The following SLC9A7 variants were observed in gnomAD, a reference collection of about 807,000 sequenced individuals.
SLC9A7 encodes the protein solute carrier family 9 member A7.
Under a neutral mutation model 52.6 loss-of-function variants are expected in SLC9A7, and 19 were observed. That is an observed-to-expected ratio of 0.36 (90% confidence interval 0.25 to 0.53). The LOEUF (loss-of-function observed/expected upper bound fraction) is 0.53, where lower values mean the gene tolerates loss of function less well. Ranked by LOEUF, SLC9A7 falls within the 20% of genes least tolerant of loss-of-function variation. The pLI is 0.91. For missense variants in SLC9A7, 455 were observed against 597.9 expected (o/e 0.76, Z 2.49); for synonymous variants, 226 against 252.1 (o/e 0.90, Z 0.98).
intron 1 of SLC9A7, among the ~76,000 whole-genome samples, chrX:46,730,710 A>ATATATATATATAT (rs1569524468): frequency 1.9e-3 from 146 of 76,294 alleles, no homozygotes; most frequent in Non-Finnish European, 3.0e-3. Context: ...ATATATATAT[A>ATATATATATATAT]AAATGGATGA....
chrX:46,741,162 T>C (rs1921324883), intron 1 of SLC9A7, among the ~76,000 whole-genome samples: 1 of 111,935 alleles, frequency 8.9e-6, no homozygotes, highest in Admixed American at 9.5e-5. Context: ...AGAAATATAA[T>C]GATCATGGAT....
In SLC9A7 at chrX:46,653,635, A is replaced by G. The variant is rs1943620023; in HGVS notation, c.1121T>C (p.Leu374Pro). The G allele has an allele frequency of 8.3e-7, 1 of 1,210,542 alleles. No individual in the cohort carries two copies. The highest frequency in any genetic ancestry group is 1.1e-6 in the Non-Finnish European group (1 of 894,606). ...TGTAAATCCGCAGGCTTCTGCCAAG[A>G]GAAACGTGCTCCAGGACATGAGGAA... Reference protein sequence around the residue: ...LFFLMSWSTFLLAEACGFTGV... With the variant: ...LFFLMSWSTFPLAEACGFTGV... The change falls in exon 8 of 17, where the codon CTC (leucine) becomes CCC (proline). Residue 374 changes from leucine to proline, a missense_variant. Physicochemically the swap from Leu to Pro is moderately conservative, Grantham distance 98 (BLOSUM62 -3). Transcript: ENST00000616978.
rs889426277 is a variant in SLC9A7, at chrX:46,682,547, G to A, written c.326-12C>T. 8 of 1,195,083 alleles carry A rather than the reference G, an allele frequency of 6.7e-6. No individual in the cohort carries two copies. Among genetic ancestry groups the A allele is most frequent in the Non-Finnish European group, 9.1e-6 (8 of 882,872 alleles). ...CCCAACGATGAGCCCTGAAAGAGTG[G>A]AAAAAAACTCATCAGGCCTGAGGAA... On this transcript the variant is annotated splice_polypyrimidine_tract_variant and intron_variant, in intron 1 of 16. Transcript: ENST00000616978.
rs895984729 is a variant in SLC9A7 at position 46,737,167 on chromosome X, T to C, written c.325+21538A>G. On this transcript the variant is annotated intron_variant, in intron 1 of 16. Transcript: ENST00000616978. ...TTCCTTAGGGAGATGGAGAGATATC[T>C]AGGCAGATTTTGGCAGTGGCTTTTG... Among the ~76,000 whole-genome samples, 5 of 112,026 alleles carry C rather than the reference T, an allele frequency of 4.5e-5. No homozygotes were observed. The East Asian group carries it at 1.1e-3, about 25-fold the overall frequency.
At chrX:46,710,055 A>C (rs1944664365) in intron 1 of SLC9A7, among the ~76,000 whole-genome samples, 1 of 112,414 alleles carries the variant, frequency 8.9e-6, no homozygotes, top group Non-Finnish European at 1.9e-5. Flanking sequence ...CTAACTTTTG[A>C]ATTTTGTACT....
intron 2 of SLC9A7, among the ~76,000 whole-genome samples, chrX:46,679,967 T>A (rs1479719181): frequency 8.9e-6 from 1 of 112,228 alleles, no homozygotes; most frequent in African/African-American, 3.2e-5. Context: ...GCTCTTATGA[T>A]CTTGCTTGTG....
chrX:46,743,665 T>G (rs1921531003), intron 1 of SLC9A7, among the ~76,000 whole-genome samples: 1 of 111,989 alleles, frequency 8.9e-6, no homozygotes, highest in Admixed American at 9.5e-5. Context: ...ATGGCTTTAA[T>G]ACAACTGTCT....
At position 46,662,163 on chromosome X, in the gene SLC9A7, G is replaced by A; in HGVS notation, c.900-6C>T. On this transcript the variant is annotated splice_region_variant and splice_polypyrimidine_tract_variant and intron_variant, in intron 6 of 16. Coordinates refer to ENST00000616978, the MANE Select transcript of SLC9A7 (RefSeq NM_001257291.2). ...GCTGGTAGGCAACAATAGACCTAAA[G>A]TTTAAAAACAAGAGACAGTTTTAAA... 3.3e-6 allele frequency: 4 copies of A among 1,197,834 alleles called. No homozygotes were observed. The Middle Eastern group carries it at 9.3e-4, about 280-fold the overall frequency.
chrX:46,749,578 C>T (rs1922083928), intron 1 of SLC9A7, among the ~76,000 whole-genome samples: 1 of 111,718 alleles, frequency 9.0e-6, no homozygotes, highest in Admixed American at 9.5e-5. Flanking sequence ...CATTTTTTCC[C>T]CTAAAACACT....
Position 46,758,942 on chromosome X carries a change from C to CCAGCAGCAGCGGCAGCAG in SLC9A7, c.70_87dup (p.Leu24_Leu29dup). 1 of 1,098,068 alleles carries CCAGCAGCAGCGGCAGCAG rather than the reference C, an allele frequency of 9.1e-7. No individual in the cohort carries two copies. 90.5% of individuals were successfully genotyped at this position (1,098,068 alleles called of 1,213,427 possible). On this transcript the variant is annotated inframe_insertion, in exon 1 of 17. Coordinates refer to ENST00000616978, the MANE Select transcript of SLC9A7 (RefSeq NM_001257291.2). ...GCGGCCGCGACTCGCAGCCCCCAACCCAGCAGCAGCGGCAGCAGCAGCAGC... is the reference window on the plus strand; with the variant it reads ...GCGGCCGCGACTCGCAGCCCCCAACCCAGCAGCAGCGGCAGCAGCAGCAGCAGCGGCAGCAGCAGCAGC...
intron 1 of SLC9A7, among the ~76,000 whole-genome samples, chrX:46,702,516 C>A (rs978061955): frequency 9.0e-6 from 1 of 111,585 alleles, no homozygotes. Context: ...CTCCCTGTTA[C>A]AGGTGAGAAC....
At chrX:46,616,073 C>T (rs751772975) in intron 15 of SLC9A7, among the ~76,000 whole-genome samples, 10 of 108,622 alleles carry the variant, frequency 9.2e-5, no homozygotes, top group Non-Finnish European at 1.9e-4. Flanking sequence ...GTAATCCCAG[C>T]ACTTTGCGAG....
At chrX:46,711,899 T>TTCACAC (rs778950018) in intron 1 of SLC9A7, among the ~76,000 whole-genome samples, 10 of 91,158 alleles carry the variant, frequency 1.1e-4, no homozygotes, top group South Asian at 1.3e-3. Flanking sequence ...GCCTCTAAAT[T>TTCACAC]ACACACACAC....
Position 46,607,053 on chromosome X carries a change from T to C in SLC9A7, c.2080A>G (p.Ser694Gly). The change falls in exon 17 of 17, where the codon AGC (serine) becomes GGC (glycine). Residue 694 changes from serine to glycine, a missense_variant. Physicochemically the swap from Ser to Gly is moderately conservative, Grantham distance 56. Around this residue, in one of 3 missense-constraint regions of SLC9A7, gnomAD observed 146 missense variants for 160.5 expected, o/e 0.91. Transcript: ENST00000616978. Reference protein sequence around the residue: ...TSLEGSRRTKSSSEEVLERDL... With the variant: ...TSLEGSRRTKGSSEEVLERDL... ...CGCTCCAGCACTTCCTCCGAGCTGC[T>C]CTTCGTTCTCCGGCTGCCCTCCAGA... 1 of 1,209,667 alleles carries C rather than the reference T, an allele frequency of 8.3e-7. No homozygotes were observed. The highest frequency in any genetic ancestry group is 1.8e-5 in the South Asian group (1 of 56,762).
chrX:46,647,766 A>C (rs760837657), intron 11 of SLC9A7, among the ~76,000 whole-genome samples: 8 of 112,640 alleles, frequency 7.1e-5, no homozygotes, highest in Non-Finnish European at 1.3e-4. Flanking sequence ...TTCAGAGGCA[A>C]GCTAGCATGA....
intron 7 of SLC9A7, among the ~76,000 whole-genome samples, chrX:46,658,027 A>G (rs1943735531): frequency 9.2e-6 from 1 of 108,159 alleles, no homozygotes; most frequent in Admixed American, 1.0e-4. Context: ...ACTATCTCTC[A>G]GACCACAGTG....
intron 7 of SLC9A7, among the ~76,000 whole-genome samples, chrX:46,655,696 T>C (rs972680563): frequency 8.9e-6 from 1 of 112,291 alleles, no homozygotes; most frequent in Admixed American, 9.3e-5. Context: ...GGAGATTATA[T>C]CCCGCACATG....
intron 5 of SLC9A7, among the ~76,000 whole-genome samples, chrX:46,667,022 ATTTG>A (rs1943932849): frequency 8.9e-6 from 1 of 112,068 alleles, no homozygotes; most frequent in African/African-American, 3.2e-5. Flanking sequence ...ATGATCTGTT[ATTTG>A]TTTATTTTTT....
chrX:46,614,461 C>T (rs149735176), intron 15 of SLC9A7, among the ~76,000 whole-genome samples: 19 of 111,751 alleles, frequency 1.7e-4, no homozygotes, highest in African/African-American at 5.8e-4. Context: ...CACACTATAT[C>T]GTAAAGTTGA....
Sources: gnomAD v4.1 joint callset for allele counts (sites outside exome capture counted in the v4.1 genomes callset) on GRCh38, gnomAD v4.1.1 for gene constraint, gnomAD v4.1.1 regional missense constraint, MANE v1.5 for transcripts, NCBI Gene and HGNC (gene_info 2026-07-23, HGNC 2026-07-21) for gene names.